Variants in DYNC1H1 observed in about 807,000 individuals in gnomAD.
The protein encoded by DYNC1H1 is cytoplasmic dynein 1 heavy chain 1.
In DYNC1H1, 51 loss-of-function variants were observed where a neutral mutation model predicts 527.1. The observed-to-expected ratio is 0.10, with a 90% CI of 0.08 to 0.12. DYNC1H1 has a LOEUF of 0.12. DYNC1H1 is among the 10% of genes least tolerant of loss of function. DYNC1H1 has a pLI of 1.00. For missense variants in DYNC1H1, 2,771 were observed against 5,971.8 expected (o/e 0.46, Z 17.66); for synonymous variants, 2,189 against 2,278.8 (o/e 0.96, Z 1.12).
intron 23 of DYNC1H1, among the ~76,000 whole-genome samples, chr14:102,003,375 C>T (rs563332288): frequency 5.5e-4 from 83 of 151,436 alleles, no homozygotes; most frequent in African/African-American, 1.9e-3. Context: ...GATTCTCTTT[C>T]CTCAGCCTCC....
rs2048402324 is a variant in DYNC1H1, at chr14:102,022,890, T to C, written c.8637+10T>C. ...CAACTGGCTGTCAAAGGTAGCAAAC[T>C]CGCATCATTTCAGACATACTTCTTT... is the stretch of plus-strand genomic sequence containing the variant. On this transcript the variant is annotated intron_variant, in intron 43 of 77. Coordinates refer to ENST00000360184, the MANE Select transcript of DYNC1H1 (RefSeq NM_001376.5). 1.2e-6 allele frequency: 2 copies of C among 1,614,080 alleles called. No individual in the cohort carries two copies.
chr14:102,022,119 G>C (rs1307191445), intron 42 of DYNC1H1, among the ~76,000 whole-genome samples: 2 of 152,004 alleles, frequency 1.3e-5, no homozygotes, highest in Non-Finnish European at 2.9e-5. Context: ...CTGGGCAACA[G>C]AGTGAGACTC....
rs1210818738 is a variant in DYNC1H1 at position 102,036,061 on chromosome 14, C to T, written c.10755-428C>T. On this transcript the variant is annotated intron_variant, in intron 56 of 77. Coordinates refer to ENST00000360184, the MANE Select transcript of DYNC1H1 (RefSeq NM_001376.5). This position sits in a 1 kb window ranked among gnomAD's most constrained non-coding sequence, Gnocchi z 5.6. ...TAGGGCTGTTATGAGGATTACGTGA[C>T]GTAGTGTCTGTAATTTGACACGGTC... 2 of 239,072 alleles carry T rather than the reference C, an allele frequency of 8.4e-6. No individual in the cohort carries two copies. The highest frequency in any genetic ancestry group is 1.0e-4 in the East Asian group (1 of 9,666). The allele number at this position is 239,072 out of a possible 1,614,324, so 14.8% of individuals were successfully genotyped here.
At position 102,017,428 on chromosome 14, in the gene DYNC1H1, G is replaced by C; in HGVS notation, c.8101G>C (p.Val2701Leu). The change falls in exon 40 of 78, where the codon GTG becomes CTG. Residue 2701 changes from valine to leucine, a missense_variant. Val to Leu is a conservative substitution (Grantham distance 32). Coordinates refer to ENST00000360184, the MANE Select transcript of DYNC1H1 (RefSeq NM_001376.5). The surrounding 1 kb of genome is among the most constrained non-coding windows in gnomAD (Gnocchi z 4.6). ...GFYRTSDQTW[V>L]KLERIQFVGA... Reference sequence around the variant, plus strand: ...TTACCGTACCTCAGATCAAACATGGGTGAAGCTGGAGAGAATCCAGTTTGT... The same window carrying C: ...TTACCGTACCTCAGATCAAACATGGCTGAAGCTGGAGAGAATCCAGTTTGT... 6.2e-7 allele frequency: 1 copy of C among 1,614,166 alleles called. No homozygotes were observed. The highest frequency in any genetic ancestry group is 8.5e-7 in the Non-Finnish European group (1 of 1,180,030).
At position 102,028,137 on chromosome 14, in the gene DYNC1H1, A is replaced by G; in HGVS notation, c.9464A>G (p.His3155Arg). ...NSCVFVHQTLHQANARLAKRG... is the reference protein window; with the variant it reads ...NSCVFVHQTLRQANARLAKRG... ...TGTGTGTTTGTTCATCAGACTCTTC[A>G]CCAGGTGGGTTCAGTTTTGAGATCA... The change falls in exon 48 of 78, where the codon CAC (histidine) becomes CGC (arginine). Residue 3155 changes from histidine (H) to arginine (R), a missense_variant. This residue lies in a region of DYNC1H1 where 67 missense variants were observed against 128.2 expected (regional missense o/e 0.52). Transcript: ENST00000360184. 1 of 1,614,008 alleles carries G rather than the reference A, an allele frequency of 6.2e-7. No individual in the cohort carries two copies. Among genetic ancestry groups the G allele is most frequent in the Non-Finnish European group, 8.5e-7 (1 of 1,179,892 alleles).
chr14:101,970,470 G>GTTTT (rs1324948272), intron 1 of DYNC1H1, among the ~76,000 whole-genome samples: 1,210 of 96,264 alleles, frequency 0.013, 263 homozygotes, highest in African/African-American at 0.038. Context: ...TTGGTTTGTT[G>GTTTT]TTGTTTTTTT....
Position 102,029,383 on chromosome 14 carries a change from C to T in DYNC1H1, c.9469-156C>T, listed in dbSNP as rs930395004. The T allele has an allele frequency of 1.3e-5, 12 of 897,752 alleles. No individual in the cohort carries two copies. The highest frequency in any genetic ancestry group is 7.6e-5 in the South Asian group (5 of 66,136). 55.6% of individuals were successfully genotyped at this position (897,752 alleles called of 1,614,324 possible). A position where few individuals can be genotyped will look rare whatever the true frequency, so the allele number is the denominator to read the frequency against. ...AAGTGTAAGGGGTATCTCGAAAGCT[C>T]TAAGTGGCTAAGCTGAGGCCCGACT... On this transcript the variant is annotated intron_variant, in intron 48 of 77. Transcript: ENST00000360184. This position sits in a 1 kb window ranked among gnomAD's most constrained non-coding sequence, Gnocchi z 5.3.
intron 12 of DYNC1H1, 64 bp from the exon 13 acceptor site, chr14:101,994,609 G>C (rs939371774): frequency 1.3e-6 from 2 of 1,587,158 alleles, no homozygotes; most frequent in Non-Finnish European, 1.7e-6. Context: ...GTGAACATAA[G>C]AGGTGCCAGT....
chr14:102,027,597 T>TCAG lies in DYNC1H1; in HGVS notation c.9049-19_9049-17dup, dbSNP rs750023921. The TCAG allele has an allele frequency of 3.7e-6, 6 of 1,614,150 alleles. No homozygotes were observed. Among genetic ancestry groups the TCAG allele is most frequent in the Non-Finnish European group, 5.1e-6 (6 of 1,180,030 alleles). ...TACGTGTTACCGGGGGACCAGTAAG[T>TCAG]CAGCACTGTGCTGTTTCCCAGGTGC... On this transcript the variant is annotated intron_variant, in intron 46 of 77. Coordinates refer to ENST00000360184, the MANE Select transcript of DYNC1H1 (RefSeq NM_001376.5). The surrounding 1 kb of genome is among the most constrained non-coding windows in gnomAD (Gnocchi z 7.7).
intron 43 of DYNC1H1, chr14:102,023,603 C>T (rs1408748245): frequency 6.4e-6 from 1 of 156,634 alleles, no homozygotes; most frequent in African/African-American, 2.4e-5. Flanking sequence ...AATCCCAGCA[C>T]TTTGGGAGGC....
At chr14:102,043,151 C>T (rs976961318) in intron 69 of DYNC1H1, 19 of 327,484 alleles carry the variant, frequency 5.8e-5, no homozygotes, top group African/African-American at 3.7e-4. Flanking sequence ...GGCGTGGTGG[C>T]GTGCGCCTAT....
At chr14:101,982,120 A>G (rs1202264551) in intron 5 of DYNC1H1, among the ~76,000 whole-genome samples, 1 of 152,138 alleles carries the variant, frequency 6.6e-6, no homozygotes, top group East Asian at 1.9e-4. Context: ...ATAGGGGCGC[A>G]AACCCTGTTG....
At position 102,006,260 on chromosome 14, in the gene DYNC1H1, A is replaced by G. The variant is rs17512327; in HGVS notation, c.5716+90A>G. ...TGATTTGAATGTACTTCTTTTTGAG[A>G]TGGAGTGTCTGTCGCCCAGGCTGGA... On this transcript the variant is annotated intron_variant, in intron 27 of 77. Coordinates refer to ENST00000360184, the MANE Select transcript of DYNC1H1 (RefSeq NM_001376.5). 19,295 of 1,570,558 alleles carry G rather than the reference A, an allele frequency of 0.012. 148 individuals are homozygous for G. The highest frequency in any genetic ancestry group is 0.029 in the Middle Eastern group (151 of 5,130).
Position 102,041,293 on chromosome 14 carries a change from A to C in DYNC1H1, c.11942-281A>C. Reference sequence around the variant, plus strand: ...TGGAGCCCCCTTCCTGAGTACCTTCAGGTGTTCTCAGGAAGTGAGCAGGTA... The same window carrying C: ...TGGAGCCCCCTTCCTGAGTACCTTCCGGTGTTCTCAGGAAGTGAGCAGGTA... On this transcript the variant is annotated intron_variant, in intron 64 of 77. Transcript: ENST00000360184. This position sits in a 1 kb window ranked among gnomAD's most constrained non-coding sequence, Gnocchi z 4.5. 1 of 475,678 alleles carries C rather than the reference A, an allele frequency of 2.1e-6. No individual in the cohort carries two copies. Among genetic ancestry groups the C allele is most frequent in the South Asian group, 2.0e-5 (1 of 49,478 alleles). The allele number at this position is 475,678 out of a possible 1,614,324, so 29.5% of individuals were successfully genotyped here.
In DYNC1H1 at chr14:102,036,730, A is replaced by ACTT; in HGVS notation, c.10908+90_10908+92dup. 1 of 1,518,690 alleles carries ACTT rather than the reference A, an allele frequency of 6.6e-7. No individual in the cohort carries two copies. The highest frequency in any genetic ancestry group is 9.1e-7 in the Non-Finnish European group (1 of 1,096,398). 94.1% of individuals were successfully genotyped at this position (1,518,690 alleles called of 1,614,324 possible). On this transcript the variant is annotated intron_variant, in intron 57 of 77. Transcript: ENST00000360184. The surrounding 1 kb of genome is among the most constrained non-coding windows in gnomAD (Gnocchi z 5.6). ...TGCCTTTAGTTTTCAACTTTGTAAGACTTCATTTTGTATCAGAAGGATAAA... is the reference window on the plus strand; with the variant it reads ...TGCCTTTAGTTTTCAACTTTGTAAGACTTCTTCATTTTGTATCAGAAGGATAAA...
At position 101,979,072 on chromosome 14, in the gene DYNC1H1, T is replaced by C. The variant is rs139642200; in HGVS notation, c.345-247T>C. On this transcript the variant is annotated intron_variant, in intron 2 of 77. Transcript: ENST00000360184. The surrounding 1 kb of genome is among the most constrained non-coding windows in gnomAD (Gnocchi z 4.6). Reference sequence around the variant, plus strand: ...GTACTACTTATATTTCTAGGGCAGGTTAGTTTTAGGCCAATATTACGAATT... The same window carrying C: ...GTACTACTTATATTTCTAGGGCAGGCTAGTTTTAGGCCAATATTACGAATT... Among the ~76,000 whole-genome samples the C allele has an allele frequency of 7.2e-5, 11 of 152,332 alleles. No individual in the cohort carries two copies. Among genetic ancestry groups the C allele is most frequent in the African/African-American group, 2.4e-4 (10 of 41,574 alleles).
In DYNC1H1 at chr14:102,055,368, A is replaced by G. The variant is rs2048865542; in HGVS notation, c.*4805A>G. On this transcript the variant is annotated 3_prime_UTR_variant, in exon 78 of 78. Transcript: ENST00000360184. ...TACAAAGGCCTCCTCTTTGAGGGAG[A>G]CACGCGAGGCACGGGTGGGGCGATG... 1 of 151,534 alleles carries G rather than the reference A, an allele frequency of 6.6e-6. No individual in the cohort carries two copies. Among genetic ancestry groups the G allele is most frequent in the Non-Finnish European group, 1.5e-5 (1 of 67,980 alleles). The allele number at this position is 151,534 out of a possible 1,614,324, so 9.4% of individuals were successfully genotyped here.
At chr14:101,995,488 G>A (rs940025897) in intron 15 of DYNC1H1, among the ~76,000 whole-genome samples, 188 bp downstream of exon 15, 2 of 151,990 alleles carry the variant, frequency 1.3e-5, no homozygotes, top group Admixed American at 6.6e-5. Context: ...GCGGGTACCT[G>A]TGGTCCCAGC....
chr14:101,987,308 C>T, intron 8 of DYNC1H1, 145 bp from the exon 9 acceptor site: 2 of 910,814 alleles, frequency 2.2e-6, no homozygotes, highest in Non-Finnish European at 3.4e-6. Context: ...TTAGTGTTCT[C>T]ACCCCAGCAG....
Sources: allele counts gnomAD v4.1 joint callset (sites outside exome capture counted in the v4.1 genomes callset), GRCh38; gene constraint gnomAD v4.1.1; regional missense constraint gnomAD v4.1.1; non-coding constraint Gnocchi (gnomAD v3.1); transcripts MANE v1.5; gene names NCBI Gene and HGNC (gene_info 2026-07-23, HGNC 2026-07-21).